CUX1: variants seen among roughly 807,000 people sequenced by gnomAD.
CUX1 encodes the protein cut like homeobox 1.
In CUX1, 31 loss-of-function variants were observed where a neutral mutation model predicts 158.8. That is an observed-to-expected ratio of 0.20 (90% confidence interval 0.15 to 0.26). CUX1 has a LOEUF of 0.26. CUX1 is among the 10% of genes least tolerant of loss of function. CUX1 has a pLI of 1.00. For missense variants in CUX1, 1,589 were observed against 2,014.6 expected (o/e 0.79, Z 4.04); for synonymous variants, 879 against 862.1 (o/e 1.02, Z -0.34).
chr7:102,015,069 T>TA (rs1032756750), intron 2 of CUX1, among the ~76,000 whole-genome samples: 14 of 152,128 alleles, frequency 9.2e-5, no homozygotes, highest in African/African-American at 3.4e-4. Flanking sequence ...TAATAAACAA[T>TA]ATGTGCTGAT....
chr7:102,118,916 TA>T (rs1202572274), intron 8 of CUX1, among the ~76,000 whole-genome samples: 1 of 152,006 alleles, frequency 6.6e-6, no homozygotes, highest in Non-Finnish European at 1.5e-5. Context: ...CACATCCAGC[TA>T]ATTTTTGTAT....
chr7:102,063,950 G>A (rs1205610074), intron 3 of CUX1, among the ~76,000 whole-genome samples: 3 of 152,174 alleles, frequency 2.0e-5, no homozygotes, highest in African/African-American at 4.8e-5. Context: ...TGGTGGGAGG[G>A]GCCGCGGCTG....
chr7:102,104,546 C>A, intron 6 of CUX1, 87 bp downstream of exon 6: 1 of 1,516,882 alleles, frequency 6.6e-7, no homozygotes, highest in Non-Finnish European at 8.9e-7. Flanking sequence ...AATGGATCTG[C>A]AAAATAAGCC....
chr7:101,880,632 A>G (rs1799615613), intron 1 of CUX1, among the ~76,000 whole-genome samples: 1 of 152,212 alleles, frequency 6.6e-6, no homozygotes, highest in South Asian at 2.1e-4. Context: ...GTGTACTTTA[A>G]CCTTTTTGAG....
At chr7:101,853,434 G>A (rs1371547211) in intron 1 of CUX1, among the ~76,000 whole-genome samples, 2 of 152,172 alleles carry the variant, frequency 1.3e-5, no homozygotes, top group Non-Finnish European at 2.9e-5. Context: ...ACCCAGTTGT[G>A]CGGCTAGACC....
intron 14 of CUX1, among the ~76,000 whole-genome samples, chr7:102,270,864 C>T (rs1725604): frequency 0.62 from 94,914 of 152,070 alleles, 29,924 homozygotes; most frequent in African/African-American, 0.73. Context: ...ATGTCACCTA[C>T]ATACACGGCA....
In CUX1 at chr7:102,256,545, T is replaced by C. The variant is rs1175655243; in HGVS notation, c.*7503T>C. On this transcript the variant is annotated 3_prime_UTR_variant, in exon 24 of 24. Transcript: ENST00000292535. ...TTTCCCCAGCAAAATCAAACACCTG[T>C]CTCCAGAGTAGCCACTCAAAAACTG... 7.4e-5 allele frequency: 73 copies of C among 985,400 alleles called. No individual in the cohort carries two copies. In the Admixed American group the frequency reaches 4.4e-3, roughly 60 times the overall value. 61.0% of individuals were successfully genotyped at this position (985,400 alleles called of 1,614,324 possible).
At chr7:101,818,126 A>G (rs1792084274) in intron 1 of CUX1, among the ~76,000 whole-genome samples, 1 of 152,236 alleles carries the variant, frequency 6.6e-6, no homozygotes, top group South Asian at 2.1e-4. Flanking sequence ...TGTATTTCCG[A>G]TAAGATTAAA....
chr7:102,034,521 G>A (rs561221515), intron 3 of CUX1, among the ~76,000 whole-genome samples: 32 of 152,170 alleles, frequency 2.1e-4, no homozygotes, highest in South Asian at 2.1e-4. Context: ...TTGGGAGGCC[G>A]AGGTGGGCGG....
intron 2 of CUX1, among the ~76,000 whole-genome samples, chr7:101,951,592 G>A (rs1013431076): frequency 4.0e-5 from 6 of 151,356 alleles, no homozygotes; most frequent in East Asian, 2.0e-4. Flanking sequence ...TGCAAGCTCC[G>A]CCTCCAGGGT....
intron 2 of CUX1, among the ~76,000 whole-genome samples, chr7:102,010,123 G>A (rs1220898309): frequency 3.3e-5 from 5 of 151,972 alleles, no homozygotes; most frequent in East Asian, 1.9e-4. Context: ...AGCTGGGTGC[G>A]GTGGCTCATG....
intron 2 of CUX1, among the ~76,000 whole-genome samples, chr7:101,972,760 G>C (rs1335797902): frequency 6.6e-6 from 1 of 152,222 alleles, no homozygotes; most frequent in African/African-American, 2.4e-5. Flanking sequence ...GGTGGGAAGA[G>C]AGGCCACTCC....
Position 102,000,415 on chromosome 7 carries a change from G to A in CUX1, c.142-27683G>A, listed in dbSNP as rs182299092. On this transcript the variant is annotated intron_variant, in intron 2 of 23. Transcript: ENST00000292535. The stretch of plus-strand genomic sequence containing the variant: ...TTCCCAAGTGCATGCGTCTGACCCA[G>A]GCTTCTTTCTCATCCGCCTCTTGTG... Among the ~76,000 whole-genome samples the A allele has an allele frequency of 9.9e-5, 15 of 152,264 alleles. No homozygotes were observed. The East Asian group carries it at 2.7e-3, about 27-fold the overall frequency.
chr7:101,930,834 T>C (rs1037398928), intron 2 of CUX1, among the ~76,000 whole-genome samples: 3 of 152,206 alleles, frequency 2.0e-5, no homozygotes, highest in African/African-American at 7.2e-5. Context: ...TGGTGGCTCA[T>C]GCCTGTAATC....
chr7:102,101,263 C>A (rs1292128076), intron 5 of CUX1, among the ~76,000 whole-genome samples: 2 of 152,200 alleles, frequency 1.3e-5, no homozygotes, highest in African/African-American at 4.8e-5. Context: ...ACAGCCCCAC[C>A]CATCCCGCAA....
intron 4 of CUX1, among the ~76,000 whole-genome samples, chr7:102,078,124 A>G (rs1826978230): frequency 6.6e-6 from 1 of 152,126 alleles, no homozygotes. Flanking sequence ...TCTGTTGCCC[A>G]ACCTGGAGTG....
At chr7:101,972,167 C>T (rs1375789343) in intron 2 of CUX1, among the ~76,000 whole-genome samples, 2 of 152,132 alleles carry the variant, frequency 1.3e-5, no homozygotes. Flanking sequence ...GGGGTTTCAC[C>T]GTGTTAGCCA....
At chr7:102,084,717 C>T (rs1368799977) in intron 4 of CUX1, among the ~76,000 whole-genome samples, 2 of 117,254 alleles carry the variant, frequency 1.7e-5, no homozygotes, top group African/African-American at 5.2e-5. Flanking sequence ...GCCAACGCAC[C>T]CGGCCACAAT....
chr7:102,055,728 A>G (rs1306193182), intron 3 of CUX1, among the ~76,000 whole-genome samples: 1 of 152,232 alleles, frequency 6.6e-6, no homozygotes, highest in Non-Finnish European at 1.5e-5. Context: ...GAACAGTCAC[A>G]TGTCTTTCAC....
Sources: allele counts gnomAD v4.1 joint callset (sites outside exome capture counted in the v4.1 genomes callset), GRCh38; gene constraint gnomAD v4.1.1; transcripts MANE v1.5; gene names NCBI Gene and HGNC (gene_info 2026-07-23, HGNC 2026-07-21).